SPRED2: variants seen among roughly 807,000 people sequenced by gnomAD.
SPRED2 encodes sprouty-related, EVH1 domain-containing protein 2.
Under a neutral mutation model 43.0 loss-of-function variants are expected in SPRED2, and 47 were observed. The ratio of observed to expected loss-of-function variants is 1.09; its 90% CI spans 0.87 to 1.40. The LOEUF is 1.40. SPRED2 is among the 40% of genes most tolerant of loss of function. SPRED2 has a pLI of 0.00. For missense variants in SPRED2, 561 were observed against 586.4 expected (o/e 0.96, Z 0.45); for synonymous variants, 225 against 225.7 (o/e 1.00, Z 0.03).
At chr2:65,421,062 G>T (rs980504036) in intron 1 of SPRED2, among the ~76,000 whole-genome samples, 1 of 152,192 alleles carries the variant, frequency 6.6e-6, no homozygotes, top group African/African-American at 2.4e-5. Context: ...CTGACAGTCA[G>T]ACATTACACA....
chr2:65,347,858 G>C (rs1178460198), intron 1 of SPRED2, among the ~76,000 whole-genome samples: 1 of 151,984 alleles, frequency 6.6e-6, no homozygotes, highest in Non-Finnish European at 1.5e-5. Flanking sequence ...AATATATCCA[G>C]GATCCACTTT....
intron 1 of SPRED2, among the ~76,000 whole-genome samples, chr2:65,351,276 C>T (rs907484616): frequency 2.6e-5 from 4 of 152,170 alleles, no homozygotes; most frequent in African/African-American, 9.7e-5. Flanking sequence ...TGCAGGCATA[C>T]CTGTAGAAGA....
chr2:65,430,295 G>A (rs935929124), intron 1 of SPRED2, among the ~76,000 whole-genome samples: 28 of 152,102 alleles, frequency 1.8e-4, no homozygotes, highest in African/African-American at 5.1e-4. Context: ...CAGCAGATGC[G>A]GTGGGACGTC....
chr2:65,403,557 A>G (rs1675954675), intron 1 of SPRED2, among the ~76,000 whole-genome samples: 1 of 152,210 alleles, frequency 6.6e-6, no homozygotes, highest in Admixed American at 6.5e-5. Flanking sequence ...GTGAGCCACT[A>G]CGCCCATCTG....
chr2:65,307,250 C>T (rs2104074713), downstream of SPRED2, among the ~76,000 whole-genome samples: 1 of 152,204 alleles, frequency 6.6e-6, no homozygotes, highest in South Asian at 2.1e-4. Flanking sequence ...GGCTGGAGTG[C>T]AGTGGCTTGA....
intron 1 of SPRED2, among the ~76,000 whole-genome samples, chr2:65,362,858 CA>C (rs113411208): frequency 0.57 from 80,902 of 141,396 alleles, 22,824 homozygotes; most frequent in East Asian, 0.78. Context: ...AACTCCATTT[CA>C]AAAAAAAAAA....
intron 1 of SPRED2, among the ~76,000 whole-genome samples, chr2:65,348,748 G>A (rs1674422995): frequency 6.6e-6 from 1 of 150,814 alleles, no homozygotes; most frequent in East Asian, 2.0e-4. Context: ...AGCTGAGATC[G>A]CGCCACTGCA....
intron 1 of SPRED2, among the ~76,000 whole-genome samples, chr2:65,389,090 C>A (rs1041524974): frequency 1.3e-5 from 2 of 152,204 alleles, no homozygotes; most frequent in Admixed American, 1.3e-4. Context: ...AGCCCTCTTT[C>A]CTCTGGAGGA....
chr2:65,316,725 G>A lies in SPRED2; in HGVS notation c.588+9C>T. On this transcript the variant is annotated intron_variant, in intron 5 of 5. Coordinates refer to ENST00000356388, the MANE Select transcript of SPRED2 (RefSeq NM_181784.3). ...CTGATGCCCTCAGAGGAACAGGGCT[G>A]CTGCTCACCTGATCGAGGTGATAGT... 2 of 1,605,526 alleles carry A rather than the reference G, an allele frequency of 1.2e-6. No individual in the cohort carries two copies. The highest frequency in any genetic ancestry group is 8.5e-7 in the Non-Finnish European group (1 of 1,176,550).
At chr2:65,385,377 A>G (rs1675470922) in intron 1 of SPRED2, among the ~76,000 whole-genome samples, 1 of 152,232 alleles carries the variant, frequency 6.6e-6, no homozygotes, top group Non-Finnish European at 1.5e-5. Context: ...ATAAGAGGAG[A>G]TGCCCACGCC....
intron 4 of SPRED2, among the ~76,000 whole-genome samples, chr2:65,328,695 C>G (rs889530048): frequency 2.6e-5 from 4 of 152,174 alleles, no homozygotes; most frequent in African/African-American, 9.7e-5. Flanking sequence ...CAAAGCACAG[C>G]TAACTAAAAG....
At chr2:65,394,135 C>A (rs1290625482) in intron 1 of SPRED2, among the ~76,000 whole-genome samples, 1 of 151,944 alleles carries the variant, frequency 6.6e-6, no homozygotes, top group African/African-American at 2.4e-5. Context: ...TGAGATGTCT[C>A]CCTCATATGT....
chr2:65,427,980 C>T (rs1376883566), intron 1 of SPRED2, among the ~76,000 whole-genome samples: 1 of 152,214 alleles, frequency 6.6e-6, no homozygotes, highest in East Asian at 1.9e-4. Context: ...ATAATACCAA[C>T]TACCTCGCAG....
chr2:65,346,156 G>C (rs1339851930), intron 1 of SPRED2, among the ~76,000 whole-genome samples: 1 of 152,040 alleles, frequency 6.6e-6, no homozygotes, highest in African/African-American at 2.4e-5. Context: ...GGCAGTCCCT[G>C]TGCCCCACAG....
Position 65,431,982 on chromosome 2 carries a change from G to A in SPRED2, c.6C>T (p.Thr2=), listed in dbSNP as rs755307940. 3.7e-6 allele frequency: 6 copies of A among 1,613,812 alleles called. No individual in the cohort carries two copies. The South Asian group carries it at 4.4e-5, about 12-fold the overall frequency. Reference sequence around the variant, plus strand: ...CTTACTCGTCTGGGTGTGTTTCTTCGGTCATTTTCTTGTTCACCTAGACGC... The same window carrying A: ...CTTACTCGTCTGGGTGTGTTTCTTCAGTCATTTTCTTGTTCACCTAGACGC... M[T]EETHPDDDSY... The change falls in exon 1 of 6, where the codon ACC becomes ACT. Residue 2 remains threonine (T), a synonymous_variant. Transcript: ENST00000356388.
chr2:65,404,200 C>A (rs776205781), intron 1 of SPRED2, among the ~76,000 whole-genome samples: 1 of 120,718 alleles, frequency 8.3e-6, no homozygotes, highest in Non-Finnish European at 2.0e-5. Flanking sequence ...AGTGAGACTC[C>A]GTCTCAAAAA....
chr2:65,349,742 A>G (rs905531311), intron 1 of SPRED2, among the ~76,000 whole-genome samples: 2 of 152,256 alleles, frequency 1.3e-5, no homozygotes, highest in Non-Finnish European at 2.9e-5. Flanking sequence ...TTCTGTGTCC[A>G]GACTACAAGG....
chr2:65,343,883 A>G (rs1674258952), intron 2 of SPRED2, among the ~76,000 whole-genome samples: 1 of 152,132 alleles, frequency 6.6e-6, no homozygotes, highest in South Asian at 2.1e-4. Flanking sequence ...ACGGTGGCTC[A>G]TGCCTGTAAT....
At chr2:65,418,337 C>T (rs989578690) in intron 1 of SPRED2, among the ~76,000 whole-genome samples, 4 of 152,138 alleles carry the variant, frequency 2.6e-5, no homozygotes, top group Non-Finnish European at 5.9e-5. Context: ...CTCTGAGCTC[C>T]CCCAGCATAA....
Sources: allele counts gnomAD v4.1 joint callset (sites outside exome capture counted in the v4.1 genomes callset), GRCh38; gene constraint gnomAD v4.1.1; transcripts MANE v1.5; gene names NCBI Gene and HGNC (gene_info 2026-07-23, HGNC 2026-07-21).